The following CLDN14 variants were observed in gnomAD, a reference collection of about 807,000 sequenced individuals.
CLDN14 encodes claudin-14.
CLDN14 carries 2 observed loss-of-function variants against 2.1 expected under a neutral mutation model. The observed-to-expected ratio is 0.96, with a 90% confidence interval of 0.39 to 3.01. The LOEUF is 3.01. Ranked by LOEUF, CLDN14 falls within the 30% of genes most tolerant of loss-of-function variation. The probability of loss-of-function intolerance (pLI) is 0.09; values close to 1 mark genes in which losing one functional copy is unlikely to be tolerated. For missense variants in CLDN14, 298 were observed against 328.0 expected (o/e 0.91, Z 0.71); for synonymous variants, 136 against 154.4 (o/e 0.88, Z 0.88).
rs1955998723 is a variant in CLDN14 at position 36,542,404 on chromosome 21, A to T, written c.-219-31904T>A. ...CTTGTTTAGGTCACACTTAAGATAA[A>T]GGAAGATGCAAACTCCTTTTTTTCT... On this transcript the variant is annotated intron_variant, in intron 1 of 2. Transcript: ENST00000342108. Among the ~76,000 whole-genome samples, 4 of 152,340 alleles carry T rather than the reference A, an allele frequency of 2.6e-5. No individual in the cohort carries two copies. In the South Asian group the frequency reaches 8.3e-4, roughly 32 times the overall value.
At chr21:36,554,249 T>C (rs2087583118) in intron 1 of CLDN14, among the ~76,000 whole-genome samples, 2 of 152,158 alleles carry the variant, frequency 1.3e-5, no homozygotes, top group South Asian at 4.1e-4. Context: ...GGCTCGGCGG[T>C]GCCTCCTGCA....
At chr21:36,545,968 G>T (rs2087523693) in intron 1 of CLDN14, among the ~76,000 whole-genome samples, 1 of 152,192 alleles carries the variant, frequency 6.6e-6, no homozygotes, top group South Asian at 2.1e-4. Context: ...GCAAGAGCGA[G>T]AACCAGTGTG....
chr21:36,462,667 C>T (rs1019436304), intron 1 of CLDN14, among the ~76,000 whole-genome samples: 8 of 152,104 alleles, frequency 5.3e-5, no homozygotes, highest in African/African-American at 9.7e-5. Context: ...CGGTGGTTCA[C>T]GCCTGTAATC....
At chr21:36,512,458 G>C (rs2087193557) in intron 1 of CLDN14, among the ~76,000 whole-genome samples, 1 of 152,194 alleles carries the variant, frequency 6.6e-6, no homozygotes, top group African/African-American at 2.4e-5. Flanking sequence ...AGTATGGCAT[G>C]CTCTCAGGAT....
At chr21:36,488,060 G>T (rs953549813) in intron 2 of CLDN14, among the ~76,000 whole-genome samples, 1 of 152,216 alleles carries the variant, frequency 6.6e-6, no homozygotes, top group Non-Finnish European at 1.5e-5. Context: ...GGCCAGGCGT[G>T]CACTGAGAGA....
chr21:36,555,775 C>T (rs2087594101), intron 1 of CLDN14, among the ~76,000 whole-genome samples: 1 of 151,436 alleles, frequency 6.6e-6, no homozygotes. Context: ...CAGGCATCTC[C>T]CAATTTTCTA....
chr21:36,519,851 C>T (rs537356212), intron 1 of CLDN14, among the ~76,000 whole-genome samples: 1 of 152,304 alleles, frequency 6.6e-6, no homozygotes, highest in East Asian at 1.9e-4. Flanking sequence ...AACACTCAGC[C>T]CAGCATTCAG....
In CLDN14 at chr21:36,461,086, T is replaced by C. The variant is rs1278043972; in HGVS notation, c.610A>G (p.Thr204Ala). 1.2e-6 allele frequency: 2 copies of C among 1,614,068 alleles called. No individual in the cohort carries two copies. Among genetic ancestry groups the C allele is most frequent in the Non-Finnish European group, 8.5e-7 (1 of 1,179,972 alleles). The change falls in exon 2 of 2, where the codon ACT (threonine) becomes GCT (alanine). Residue 204 changes from threonine (T) to alanine (A), a missense_variant. Transcript: ENST00000399135. ...YQAPPRATTT[T>A]ANTAPAYQPP... ...TGGTAGGCAGGTGCGGTGTTTGCAG[T>C]GGTCGTGGTGGCCCTGGGCGGGGCC...
At chr21:36,525,942 C>A (rs966606187) in intron 1 of CLDN14, among the ~76,000 whole-genome samples, 1 of 152,134 alleles carries the variant, frequency 6.6e-6, no homozygotes, top group Non-Finnish European at 1.5e-5. Flanking sequence ...AAAGCCTGGC[C>A]CCTGGACCAG....
At chr21:36,466,610 G>C (rs1012285995) in intron 1 of CLDN14, among the ~76,000 whole-genome samples, 1 of 152,116 alleles carries the variant, frequency 6.6e-6, no homozygotes, top group Non-Finnish European at 1.5e-5. Flanking sequence ...TGGGGATTAT[G>C]GGAACTACAA....
At chr21:36,463,667 A>G (rs1488176386) in intron 1 of CLDN14, among the ~76,000 whole-genome samples, 1 of 152,208 alleles carries the variant, frequency 6.6e-6, no homozygotes, top group Non-Finnish European at 1.5e-5. Flanking sequence ...AGACTGGATC[A>G]TGCCATTGCA....
intron 1 of CLDN14, among the ~76,000 whole-genome samples, chr21:36,574,418 T>C (rs1050786242): frequency 6.6e-6 from 1 of 152,032 alleles, no homozygotes; most frequent in South Asian, 2.1e-4. Context: ...CACAGATGAA[T>C]CTCAAATACA....
intron 2 of CLDN14, among the ~76,000 whole-genome samples, chr21:36,504,979 T>A (rs956645634): frequency 6.6e-6 from 1 of 152,100 alleles, no homozygotes; most frequent in African/African-American, 2.4e-5. Flanking sequence ...ACCCAGGCCC[T>A]CCCTGACTGA....
intron 2 of CLDN14, among the ~76,000 whole-genome samples, chr21:36,489,130 AAATATATATATAT>A: frequency 1.0e-5 from 1 of 97,658 alleles, no homozygotes; most frequent in South Asian, 4.2e-4. Flanking sequence ...AAAAAAAAAA[AAATATATATATAT>A]ATATATATAT....
intron 2 of CLDN14, among the ~76,000 whole-genome samples, chr21:36,489,131 A>AAAAAAATATATATATATATATATATAT: frequency 1.6e-5 from 1 of 62,750 alleles, no homozygotes; most frequent in Non-Finnish European, 3.0e-5. Flanking sequence ...AAAAAAAAAA[A>AAAAAAATATATATATATATATATATAT]ATATATATAT....
At chr21:36,522,348 G>A (rs564700424) in intron 1 of CLDN14, among the ~76,000 whole-genome samples, 1 of 152,350 alleles carries the variant, frequency 6.6e-6, no homozygotes, top group South Asian at 2.1e-4. Flanking sequence ...CAAATTGTGT[G>A]TCCTGACTTG....
chr21:36,486,727 C>T, intron 2 of CLDN14: 1 of 1,077,400 alleles, frequency 9.3e-7, no homozygotes, highest in Non-Finnish European at 1.4e-6. Context: ...TAGCCAGTTT[C>T]ACCAGATCCT....
chr21:36,469,906 C>T (rs2086688786), intron 1 of CLDN14, among the ~76,000 whole-genome samples: 3 of 151,974 alleles, frequency 2.0e-5, no homozygotes, highest in South Asian at 2.1e-4. Context: ...CGATTTTTCC[C>T]GACAAGACAG....
intron 1 of CLDN14, among the ~76,000 whole-genome samples, chr21:36,547,565 G>GAA (rs2087534019): frequency 6.6e-6 from 1 of 152,116 alleles, no homozygotes; most frequent in Non-Finnish European, 1.5e-5. Context: ...GTGGAGAGGC[G>GAA]GCCGCTGCTC....
Sources: allele counts gnomAD v4.1 joint callset (sites outside exome capture counted in the v4.1 genomes callset), GRCh38; gene constraint gnomAD v4.1.1; transcripts MANE v1.5; gene names NCBI Gene and HGNC (gene_info 2026-07-23, HGNC 2026-07-21).